The following VDR variants were observed in gnomAD, a reference collection of about 807,000 sequenced individuals.
VDR encodes the protein vitamin D3 receptor.
VDR carries 19 observed loss-of-function variants against 39.7 expected under a neutral mutation model. The observed-to-expected ratio is 0.48, with a 90% CI of 0.33 to 0.70. The LOEUF (loss-of-function observed/expected upper bound fraction) is 0.70, where lower values mean the gene tolerates loss of function less well. Among genes scored for constraint, VDR ranks in the 30% least tolerant of loss-of-function variants. The pLI, the probability that VDR is intolerant of heterozygous loss-of-function variation, is 0.02. For synonymous variants in VDR, 242 were observed against 215.8 expected (o/e 1.12, Z -1.07); for missense variants, 442 against 570.5 (o/e 0.77, Z 2.29).
At chr12:47,862,913 C>G (rs558050743) in intron 4 of VDR, among the ~76,000 whole-genome samples, 1 of 152,342 alleles carries the variant, frequency 6.6e-6, no homozygotes, top group Non-Finnish European at 1.5e-5. Context: ...AACTGGATCC[C>G]CGCTCCACCA....
At chr12:47,874,779 A>C (rs2137191586) in intron 3 of VDR, among the ~76,000 whole-genome samples, 1 of 152,204 alleles carries the variant, frequency 6.6e-6, no homozygotes, top group African/African-American at 2.4e-5. Flanking sequence ...TTCTCTGTCC[A>C]TTACACCTTT....
At chr12:47,853,221 T>C (rs1945420375) in intron 7 of VDR, among the ~76,000 whole-genome samples, 1 of 151,864 alleles carries the variant, frequency 6.6e-6, no homozygotes, top group African/African-American at 2.4e-5. Context: ...GACAGGCGGA[T>C]CACGAGGTCA....
chr12:47,889,374 CT>C (rs1451758762), intron 1 of VDR, among the ~76,000 whole-genome samples: 2 of 152,094 alleles, frequency 1.3e-5, no homozygotes. Context: ...TGTAGGAGGC[CT>C]GATGCAGACT....
rs747611892 is a variant in VDR at position 47,879,139 on chromosome 12, C to T, written c.-2-24G>A. 5.1e-5 allele frequency: 82 copies of T among 1,610,848 alleles called. No homozygotes were observed. In the East Asian group the frequency reaches 8.0e-4, roughly 16 times the overall value. On this transcript the variant is annotated intron_variant, in intron 2 of 9. Coordinates refer to ENST00000549336, the MANE Select transcript of VDR (RefSeq NM_000376.3). ...CCCTGTAAGAACAGCAAGCAGGCCA[C>T]GGTCAGAGCCAGAGTCAGTGCCAGG...
In VDR at chr12:47,879,187, A is replaced by G. The variant is rs1248587897; in HGVS notation, c.-2-72T>C. ...AGGGCCAGCTGGCATCCTTGGTGCC[A>G]CCCACCCCCAGCCTCATCCCACCGC... On this transcript the variant is annotated intron_variant, in intron 2 of 9. Transcript: ENST00000549336. 6.4e-6 allele frequency: 10 copies of G among 1,554,248 alleles called. No homozygotes were observed. The South Asian group carries it at 1.2e-4, about 19-fold the overall frequency.
rs145995614 is a variant in VDR, at chr12:47,875,660, A to C, written c.146+3308T>G. Among the ~76,000 whole-genome samples, 389 of 152,332 alleles carry C rather than the reference A, an allele frequency of 2.6e-3. 4 individuals carry two copies. Among genetic ancestry groups the C allele is most frequent in the African/African-American group, 9.2e-3 (381 of 41,574 alleles). On this transcript the variant is annotated intron_variant, in intron 3 of 9. Coordinates refer to ENST00000549336, the MANE Select transcript of VDR (RefSeq NM_000376.3). ...TATGTATAGCTGATTCTCATTATTC[A>C]TGGTAGTTATGGTCTATAGTCACTG...
chr12:47,858,842 G>A (rs1056277921), intron 4 of VDR, among the ~76,000 whole-genome samples: 1 of 152,244 alleles, frequency 6.6e-6, no homozygotes, highest in Non-Finnish European at 1.5e-5. Flanking sequence ...CATTGGCCCA[G>A]GCCCTCAGGT....
intron 4 of VDR, among the ~76,000 whole-genome samples, chr12:47,860,453 ATGTAGTGAATGGCACC>A (rs1405452011): frequency 6.6e-6 from 1 of 152,310 alleles, no homozygotes; most frequent in East Asian, 1.9e-4. Flanking sequence ...GTCTCCTGCA[ATGTAGTGAATGGCACC>A]TGGCACACCA....
In VDR at chr12:47,843,412, C is replaced by T. The variant is rs1160271666; in HGVS notation, c.*1334G>A. On this transcript the variant is annotated 3_prime_UTR_variant, in exon 10 of 10. Coordinates refer to ENST00000549336, the MANE Select transcript of VDR (RefSeq NM_000376.3). ...AGCCTCTGTGATCCACCTCGAAGAA[C>T]GCCTTTCTGTACCGGTCCCGCACAC... The T allele has an allele frequency of 6.6e-6, 1 of 152,356 alleles. No homozygotes were observed. Among genetic ancestry groups the T allele is most frequent in the Admixed American group, 6.5e-5 (1 of 15,280 alleles). 9.4% of individuals were successfully genotyped at this position (152,356 alleles called of 1,614,324 possible).
In VDR at chr12:47,844,926, G is replaced by A; in HGVS notation, c.1104C>T (p.Arg368=). The change falls in exon 10 of 10, where the codon CGC becomes CGT. Residue 368 remains arginine (R), a synonymous_variant. Coordinates refer to ENST00000549336, the MANE Select transcript of VDR (RefSeq NM_000376.3). ...GGCTGCCCGGGGGCGGGTGGCGGCA[G>A]CGGATGTACGTCTGCAGTGTGTTGG... ...RLSNTLQTYI[R]CRHPPPGSHL... The A allele has an allele frequency of 1.2e-6, 2 of 1,614,128 alleles. No individual in the cohort carries two copies. The highest frequency in any genetic ancestry group is 1.7e-6 in the Non-Finnish European group (2 of 1,180,006).
At chr12:47,848,707 G>C (rs7139204) in intron 7 of VDR, among the ~76,000 whole-genome samples, 81,568 of 151,448 alleles carry the variant, frequency 0.54, 22,272 homozygotes, top group African/African-American at 0.59. Context: ...GCTGGGATTA[G>C]AGGCACCTGC....
chr12:47,861,928 G>A (rs1412136776), intron 4 of VDR, among the ~76,000 whole-genome samples: 1 of 152,224 alleles, frequency 6.6e-6, no homozygotes, highest in Non-Finnish European at 1.5e-5. Flanking sequence ...CCAAATGAAC[G>A]GCACAGACAT....
intron 1 of VDR, among the ~76,000 whole-genome samples, chr12:47,884,983 C>T (rs1183075829): frequency 1.3e-5 from 2 of 152,094 alleles, no homozygotes; most frequent in Non-Finnish European, 2.9e-5. Context: ...AAGTGCAAGC[C>T]TATAGGAAAG....
chr12:47,877,809 G>A (rs957159166), intron 3 of VDR, among the ~76,000 whole-genome samples: 70 of 152,316 alleles, frequency 4.6e-4, no homozygotes, highest in African/African-American at 1.6e-3. Context: ...CTGGTTCCCC[G>A]AGCTGGAGAG....
chr12:47,875,189 T>C (rs1490775400), intron 3 of VDR, among the ~76,000 whole-genome samples: 3 of 152,232 alleles, frequency 2.0e-5, no homozygotes, highest in Non-Finnish European at 4.4e-5. Context: ...TTATGAGTCT[T>C]AGACTCGTTT....
At chr12:47,855,843 T>G in intron 6 of VDR, 42 bp from the exon 7 acceptor site, 1 of 1,611,174 alleles carries the variant, frequency 6.2e-7, no homozygotes, top group Non-Finnish European at 8.5e-7. Flanking sequence ...TTAAGGATAC[T>G]TGGACCAGGC....
chr12:47,876,629 C>G (rs1445343195), intron 3 of VDR, among the ~76,000 whole-genome samples: 1 of 152,236 alleles, frequency 6.6e-6, no homozygotes, highest in Non-Finnish European at 1.5e-5. Context: ...CATGTGCCCA[C>G]AAGCAACACA....
chr12:47,872,497 C>A (rs1404579899), intron 3 of VDR, among the ~76,000 whole-genome samples: 2 of 152,228 alleles, frequency 1.3e-5, no homozygotes, highest in Non-Finnish European at 2.9e-5. Flanking sequence ...GCATGGGAGC[C>A]TGCAGGCAGC....
chr12:47,873,446 C>T (rs1245599467), intron 3 of VDR, among the ~76,000 whole-genome samples: 2 of 146,516 alleles, frequency 1.4e-5, no homozygotes, highest in African/African-American at 2.5e-5. Context: ...CTGCAGCCTC[C>T]GCCCCCTGGG....
Sources: gnomAD v4.1 joint callset for allele counts (sites outside exome capture counted in the v4.1 genomes callset) on GRCh38, gnomAD v4.1.1 for gene constraint, MANE v1.5 for transcripts, NCBI Gene and HGNC (gene_info 2026-07-23, HGNC 2026-07-21) for gene names.